Variants in CMSS1 observed in about 807,000 individuals in gnomAD.
CMSS1 encodes the protein cms1 ribosomal small subunit homolog.
In CMSS1, 33 loss-of-function variants were observed where a neutral mutation model predicts 43.5. The observed-to-expected ratio is 0.76, with a 90% CI of 0.57 to 1.01. The LOEUF (loss-of-function observed/expected upper bound fraction) is 1.01. Ranked by LOEUF, CMSS1 falls within the 50% of genes least tolerant of loss-of-function variation. CMSS1 has a pLI of 0.00. For missense variants in CMSS1, 313 were observed against 326.4 expected (o/e 0.96, Z 0.32); for synonymous variants, 115 against 117.2 (o/e 0.98, Z 0.12).
At chr3:99,843,321 A>G (rs972069248) in intron 1 of CMSS1, among the ~76,000 whole-genome samples, 2 of 152,236 alleles carry the variant, frequency 1.3e-5, no homozygotes, top group African/African-American at 2.4e-5. Flanking sequence ...GCTTTGCTAC[A>G]GTTATAAAAC....
intron 1 of CMSS1, among the ~76,000 whole-genome samples, chr3:99,958,534 C>G (rs1708403745): frequency 6.6e-6 from 1 of 152,082 alleles, no homozygotes; most frequent in Non-Finnish European, 1.5e-5. Context: ...ATGTATGTGC[C>G]ACAGAAGGGT....
At chr3:99,844,549 T>C (rs1409596836) in intron 1 of CMSS1, among the ~76,000 whole-genome samples, 1 of 152,218 alleles carries the variant, frequency 6.6e-6, no homozygotes, top group East Asian at 1.9e-4. Context: ...ATATTCAGAA[T>C]CAAAGAAGCT....
intron 1 of CMSS1, among the ~76,000 whole-genome samples, chr3:100,033,946 T>G (rs1298658116): frequency 2.6e-5 from 4 of 152,232 alleles, no homozygotes; most frequent in African/African-American, 4.8e-5. Context: ...TTTTTATATA[T>G]GAATCATATT....
At chr3:99,939,165 G>A (rs1413965838) in intron 1 of CMSS1, among the ~76,000 whole-genome samples, 1 of 152,192 alleles carries the variant, frequency 6.6e-6, no homozygotes, top group Non-Finnish European at 1.5e-5. Context: ...AAGAGCTTCA[G>A]AAGGTGGTGC....
At chr3:99,934,912 C>T (rs138559623) in intron 1 of CMSS1, among the ~76,000 whole-genome samples, 11 of 152,262 alleles carry the variant, frequency 7.2e-5, no homozygotes, top group African/African-American at 2.4e-4. Flanking sequence ...GGGATAGTAG[C>T]ATCAACATTC....
At chr3:100,077,568 C>T (rs1455320250) in intron 1 of CMSS1, among the ~76,000 whole-genome samples, 1 of 152,130 alleles carries the variant, frequency 6.6e-6, no homozygotes, top group Non-Finnish European at 1.5e-5. Flanking sequence ...GCAAGATAGC[C>T]TTCATCCCCA....
chr3:100,116,160 T>C (rs1024182301), intron 1 of CMSS1, among the ~76,000 whole-genome samples: 15 of 152,234 alleles, frequency 9.9e-5, no homozygotes, highest in Non-Finnish European at 1.9e-4. Flanking sequence ...TGGTATCTGT[T>C]AGATTTACTG....
rs182992697 is a variant in CMSS1, at chr3:99,891,874, T to G, written c.64+73831T>G. ...CCAACTATTAACAAAACTACACTTT[T>G]TAAGTTCTAGTCATTCTTAGGTCTA... On this transcript the variant is annotated intron_variant, in intron 1 of 9. Coordinates refer to ENST00000421999, the MANE Select transcript of CMSS1 (RefSeq NM_032359.4). 7.2e-5 allele frequency among the ~76,000 whole-genome samples: 11 copies of G among 152,320 alleles called. No individual in the cohort carries two copies. The East Asian group carries it at 1.7e-3, about 24-fold the overall frequency.
At chr3:100,102,559 C>T (rs562421569) in intron 1 of CMSS1, among the ~76,000 whole-genome samples, 121 of 152,116 alleles carry the variant, frequency 8.0e-4, no homozygotes, top group Non-Finnish European at 1.3e-3. Context: ...TTTTATATTC[C>T]ATATTGTTTT....
In CMSS1 at chr3:99,852,733, C is replaced by T. The variant is rs114765451; in HGVS notation, c.64+34690C>T. Among the ~76,000 whole-genome samples, 1,177 of 152,170 alleles carry T rather than the reference C, an allele frequency of 7.7e-3. 10 individuals carry two copies. The highest frequency in any genetic ancestry group is 0.011 in the Non-Finnish European group (758 of 67,982). On this transcript the variant is annotated intron_variant, in intron 1 of 9. Transcript: ENST00000421999. ...TGCTGAGATAACAGGTGTGAGCCACCGTGCCGGCTGAGAGAACATTTTAAA... is the reference window on the plus strand; with the variant it reads ...TGCTGAGATAACAGGTGTGAGCCACTGTGCCGGCTGAGAGAACATTTTAAA...
chr3:100,145,462 A>G (rs1162940065), intron 1 of CMSS1, among the ~76,000 whole-genome samples: 1 of 151,906 alleles, frequency 6.6e-6, no homozygotes, highest in Non-Finnish European at 1.5e-5. Context: ...AAAAAAAAGT[A>G]TACATATTAG....
At chr3:100,147,563 G>C (rs771691716) in intron 2 of CMSS1, among the ~76,000 whole-genome samples, 2 of 152,058 alleles carry the variant, frequency 1.3e-5, no homozygotes, top group Non-Finnish European at 2.9e-5. Flanking sequence ...GTGAGCCACT[G>C]CTCCTGGTTC....
chr3:100,168,104 CA>C (rs1362552180), intron 6 of CMSS1, among the ~76,000 whole-genome samples: 1 of 152,092 alleles, frequency 6.6e-6, no homozygotes, highest in East Asian at 1.9e-4. Flanking sequence ...AAAGGGTGGT[CA>C]CAGAAAGCTT....
At chr3:99,837,638 C>T (rs960160720) in intron 1 of CMSS1, among the ~76,000 whole-genome samples, 8 of 152,182 alleles carry the variant, frequency 5.3e-5, no homozygotes, top group African/African-American at 1.9e-4. Context: ...GTTTTGTACT[C>T]CTGAATTTGG....
intron 1 of CMSS1, among the ~76,000 whole-genome samples, chr3:100,087,245 A>G (rs2066024820): frequency 6.6e-6 from 1 of 152,214 alleles, no homozygotes; most frequent in South Asian, 2.1e-4. Flanking sequence ...TTGTAAATGA[A>G]TGTTTAGCAT....
intron 1 of CMSS1, among the ~76,000 whole-genome samples, chr3:100,137,533 A>C (rs552608975): frequency 6.6e-6 from 1 of 152,214 alleles, no homozygotes; most frequent in East Asian, 1.9e-4. Flanking sequence ...TAATTGATAG[A>C]TAAAAGAGAT....
At chr3:99,943,671 T>C (rs1034175450) in intron 1 of CMSS1, among the ~76,000 whole-genome samples, 1 of 151,782 alleles carries the variant, frequency 6.6e-6, no homozygotes, top group Non-Finnish European at 1.5e-5. Flanking sequence ...GCCACTGCAC[T>C]CCAGCCTGGG....
chr3:99,839,404 A>C (rs982825245), intron 1 of CMSS1, among the ~76,000 whole-genome samples: 1 of 152,230 alleles, frequency 6.6e-6, no homozygotes, highest in Non-Finnish European at 1.5e-5. Flanking sequence ...GGAAGCCTGT[A>C]TCCTAATAGA....
rs540240294 is a variant in CMSS1, at chr3:99,898,988, G to T, written c.64+80945G>T. On this transcript the variant is annotated intron_variant, in intron 1 of 9. Transcript: ENST00000421999. ...TATTAATACCAATCAAATTTCTGTT[G>T]CTAGTTTCATCACCTGAGAAGGCTG... 1.3e-4 allele frequency among the ~76,000 whole-genome samples: 19 copies of T among 151,918 alleles called. No homozygotes were observed. In the East Asian group the frequency reaches 2.1e-3, roughly 17 times the overall value.
Sources: gnomAD v4.1 joint callset for allele counts (sites outside exome capture counted in the v4.1 genomes callset) on GRCh38, gnomAD v4.1.1 for gene constraint, MANE v1.5 for transcripts, NCBI Gene and HGNC (gene_info 2026-07-23, HGNC 2026-07-21) for gene names.